The following RSRC1 variants were observed in gnomAD, a reference collection of about 807,000 sequenced individuals.
RSRC1 encodes the protein arginine and serine rich coiled-coil 1.
In RSRC1, 39 loss-of-function variants were observed where a neutral mutation model predicts 49.1. The ratio of observed to expected loss-of-function variants is 0.79; its 90% CI spans 0.61 to 1.04. The LOEUF is 1.04. Among genes scored for constraint, RSRC1 ranks in the 50% least tolerant of loss-of-function variants. The pLI is 0.00. For missense variants in RSRC1, 388 were observed against 402.4 expected, an observed-to-expected ratio of 0.96 and a Z score of 0.31; for synonymous variants, 143 against 130.8, an observed-to-expected ratio of 1.09 and a Z score of -0.63.
intron 6 of RSRC1, among the ~76,000 whole-genome samples, chr3:158,420,876 C>T (rs529276771): frequency 2.0e-5 from 3 of 151,830 alleles, no homozygotes; most frequent in Admixed American, 6.6e-5. Flanking sequence ...GGTGCCTGCC[C>T]TCATGGAATG....
At chr3:158,235,847 G>A (rs1468435629) in intron 4 of RSRC1, among the ~76,000 whole-genome samples, 1 of 152,222 alleles carries the variant, frequency 6.6e-6, no homozygotes, top group Non-Finnish European at 1.5e-5. Context: ...GCCAGGGGCG[G>A]TGGCTCATGC....
At chr3:158,227,151 C>T (rs1376458373) in intron 4 of RSRC1, among the ~76,000 whole-genome samples, 6 of 151,852 alleles carry the variant, frequency 4.0e-5, no homozygotes, top group African/African-American at 1.4e-4. Flanking sequence ...CAATTTTCAA[C>T]TGCTTGGGGA....
intron 4 of RSRC1, among the ~76,000 whole-genome samples, chr3:158,212,747 T>C (rs1040466475): frequency 2.0e-5 from 3 of 151,956 alleles, no homozygotes; most frequent in Non-Finnish European, 4.4e-5. Flanking sequence ...GGGAATAAAC[T>C]TGGAGTGCCA....
At chr3:158,429,677 A>G (rs1186477289) in intron 6 of RSRC1, among the ~76,000 whole-genome samples, 2 of 151,328 alleles carry the variant, frequency 1.3e-5, no homozygotes, top group Non-Finnish European at 2.9e-5. Context: ...AAAAATAAAT[A>G]CAATAGAATA....
At chr3:158,395,404 A>G (rs1159433841) in intron 6 of RSRC1, among the ~76,000 whole-genome samples, 2 of 152,158 alleles carry the variant, frequency 1.3e-5, no homozygotes, top group African/African-American at 4.8e-5. Context: ...AACCTACAGA[A>G]TGCTAGAAAA....
At chr3:158,408,758 G>A (rs151197511) in intron 6 of RSRC1, among the ~76,000 whole-genome samples, 59 of 152,268 alleles carry the variant, frequency 3.9e-4, no homozygotes, top group Non-Finnish European at 4.3e-4. Flanking sequence ...CAGGCCAGGC[G>A]TGGTGGCTCG....
At chr3:158,149,237 T>C (rs1329103223) in intron 3 of RSRC1, among the ~76,000 whole-genome samples, 1 of 152,226 alleles carries the variant, frequency 6.6e-6, no homozygotes, top group Non-Finnish European at 1.5e-5. Flanking sequence ...CAAAGCTCCT[T>C]TGATATTTCT....
intron 7 of RSRC1, among the ~76,000 whole-genome samples, chr3:158,475,171 A>G (rs1560058461): frequency 1.3e-5 from 2 of 151,816 alleles, no homozygotes; most frequent in Non-Finnish European, 2.9e-5. Flanking sequence ...CAATCCTCCC[A>G]CCTCGAACTC....
intron 2 of RSRC1, among the ~76,000 whole-genome samples, chr3:158,123,034 G>A (rs1219622068): frequency 6.6e-6 from 1 of 152,076 alleles, no homozygotes; most frequent in African/African-American, 2.4e-5. Flanking sequence ...GTGCTGCAAC[G>A]GAGTTTTGCT....
intron 4 of RSRC1, among the ~76,000 whole-genome samples, chr3:158,267,139 T>A (rs1725235872): frequency 6.6e-6 from 1 of 152,314 alleles, no homozygotes; most frequent in East Asian, 1.9e-4. Context: ...ACAATTTTTT[T>A]CTTTCCTCAT....
chr3:158,494,452 A>G (rs528984158), intron 7 of RSRC1, among the ~76,000 whole-genome samples: 1 of 152,340 alleles, frequency 6.6e-6, no homozygotes, highest in South Asian at 2.1e-4. Context: ...ACTGTCCACT[A>G]CTGTGGACTT....
In RSRC1 at chr3:158,160,451, T is replaced by C. The variant is rs148663188; in HGVS notation, c.320+36460T>C. Among the ~76,000 whole-genome samples, 470 of 152,212 alleles carry C rather than the reference T, an allele frequency of 3.1e-3. 2 individuals are homozygous for C. Among genetic ancestry groups the C allele is most frequent in the Non-Finnish European group, 5.2e-3 (351 of 68,008 alleles). Reference sequence around the variant, plus strand: ...TTTTGAGGAAGGGGTGGAATACATATAGAGAAATGTGGGAAGGAAAAGATA... The same window carrying C: ...TTTTGAGGAAGGGGTGGAATACATACAGAGAAATGTGGGAAGGAAAAGATA... On this transcript the variant is annotated intron_variant, in intron 3 of 9. Transcript: ENST00000611884.
chr3:158,273,145 G>T lies in RSRC1; in HGVS notation c.495-24894G>T, dbSNP rs1056751803. On this transcript the variant is annotated intron_variant, in intron 4 of 9. Transcript: ENST00000611884. ...TATATTCAGGAATCATCTCAATGAC[G>T]TATAGCAATTTCAATGCATTGTTAA... Among the ~76,000 whole-genome samples the T allele has an allele frequency of 3.3e-5, 5 of 152,142 alleles. 1 individual carries two copies. In the East Asian group the frequency reaches 7.7e-4, roughly 23 times the overall value.
chr3:158,239,600 G>A (rs1723451568), intron 4 of RSRC1, among the ~76,000 whole-genome samples: 1 of 151,962 alleles, frequency 6.6e-6, no homozygotes, highest in Non-Finnish European at 1.5e-5. Flanking sequence ...GGGAGGGATA[G>A]CATTAGGAGA....
In RSRC1 at chr3:158,515,063, C is replaced by G. The variant is rs1024628374; in HGVS notation, c.653-22029C>G. ...TACAGCACACTGATGGGTCTTGACT[C>G]TTTATCCAACTTGCCAGTCTGTGTC... On this transcript the variant is annotated intron_variant, in intron 7 of 9. Transcript: ENST00000611884. 1.2e-4 allele frequency among the ~76,000 whole-genome samples: 18 copies of G among 148,122 alleles called. No homozygotes were observed. In the South Asian group the frequency reaches 1.4e-3, roughly 11 times the overall value.
In RSRC1 at chr3:158,481,708, G is replaced by T. The variant is rs188452116; in HGVS notation, c.652+20705G>T. On this transcript the variant is annotated intron_variant, in intron 7 of 9. Transcript: ENST00000611884. ...AAAGTAATTTAAAAACCTAATTGAG[G>T]TTATTTTAAATGTGAATTTGTATAC... Among the ~76,000 whole-genome samples the T allele has an allele frequency of 9.2e-5, 14 of 152,106 alleles. No individual in the cohort carries two copies. The East Asian group carries it at 2.7e-3, about 29-fold the overall frequency.
intron 7 of RSRC1, among the ~76,000 whole-genome samples, chr3:158,512,228 G>T (rs201361025): frequency 0.17 from 23,235 of 136,566 alleles, 2,311 homozygotes; most frequent in African/African-American, 0.3. Flanking sequence ...GGTTTTCTTC[G>T]AGGGTTTTTA....
chr3:158,188,830 T>C (rs903664251), intron 3 of RSRC1, among the ~76,000 whole-genome samples: 4 of 151,936 alleles, frequency 2.6e-5, no homozygotes, highest in African/African-American at 9.7e-5. Context: ...TATTTTTTGC[T>C]TCTTTTCTCT....
chr3:158,163,440 T>A (rs529942793), intron 3 of RSRC1, among the ~76,000 whole-genome samples: 3 of 152,214 alleles, frequency 2.0e-5, no homozygotes, highest in Admixed American at 2.0e-4. Flanking sequence ...TCTGGGCTAC[T>A]AAGTCAGGTG....
Sources: allele counts gnomAD v4.1 joint callset (sites outside exome capture counted in the v4.1 genomes callset), GRCh38; gene constraint gnomAD v4.1.1; transcripts MANE v1.5; gene names NCBI Gene and HGNC (gene_info 2026-07-23, HGNC 2026-07-21).